GLCCI1: variants seen among roughly 807,000 people sequenced by gnomAD.
The protein encoded by GLCCI1 is glucocorticoid induced 1, also known as glucocorticoid-induced transcript 1 protein.
Under a neutral mutation model 52.2 loss-of-function variants are expected in GLCCI1, and 24 were observed. The observed-to-expected ratio is 0.46, with a 90% CI of 0.33 to 0.65. GLCCI1 has a LOEUF of 0.65. Among genes scored for constraint, GLCCI1 ranks in the 30% least tolerant of loss-of-function variants. The pLI is 0.02. For synonymous variants in GLCCI1, 310 were observed against 276.5 expected, an observed-to-expected ratio of 1.12 and a Z score of -1.20; for missense variants, 704 against 701.5, an observed-to-expected ratio of 1.00 and a Z score of -0.04.
At position 7,969,321 on chromosome 7, in the gene GLCCI1, C is replaced by T. The variant is rs762575226; in HGVS notation, c.-30C>T. On this transcript the variant is annotated 5_prime_UTR_variant, in exon 1 of 8. Coordinates refer to ENST00000223145, the MANE Select transcript of GLCCI1 (RefSeq NM_138426.4). The surrounding 1 kb of genome is among the most constrained non-coding windows in gnomAD (Gnocchi z 4.9). ...CTCCCGCCCCGCGCCTCCGTGTCGG[C>T]CGGCGGCGTCCAGGGCCCGCAGAGC... is the stretch of plus-strand genomic sequence containing the variant. The T allele has an allele frequency of 2.8e-6, 4 of 1,405,748 alleles. No individual in the cohort carries two copies. Among genetic ancestry groups the T allele is most frequent in the Non-Finnish European group, 2.8e-6 (3 of 1,073,972 alleles). 87.1% of individuals were successfully genotyped at this position (1,405,748 alleles called of 1,614,324 possible).
intron 6 of GLCCI1, among the ~76,000 whole-genome samples, chr7:8,073,584 A>G (rs536260252): frequency 8.5e-4 from 129 of 152,306 alleles, no homozygotes; most frequent in African/African-American, 3.0e-3. Flanking sequence ...TAGTTAAAAA[A>G]TATTTCTTAG....
chr7:8,005,008 C>T (rs1191905321), intron 2 of GLCCI1, among the ~76,000 whole-genome samples: 1 of 152,162 alleles, frequency 6.6e-6, no homozygotes, highest in East Asian at 1.9e-4. Context: ...TCATCTGTCT[C>T]ATCAGTTCTG....
chr7:8,041,092 G>C (rs1229217163), intron 3 of GLCCI1, among the ~76,000 whole-genome samples: 1 of 152,146 alleles, frequency 6.6e-6, no homozygotes, highest in Non-Finnish European at 1.5e-5. Context: ...GATGCAAAGG[G>C]AAAGGTCTTG....
At chr7:8,013,547 T>C (rs770238448) in intron 2 of GLCCI1, among the ~76,000 whole-genome samples, 13 of 152,212 alleles carry the variant, frequency 8.5e-5, no homozygotes, top group Non-Finnish European at 1.6e-4. Context: ...AATTTTATAA[T>C]TTGTACAATT....
chr7:8,061,302 A>G (rs1167520363), intron 5 of GLCCI1, among the ~76,000 whole-genome samples: 2 of 152,006 alleles, frequency 1.3e-5, no homozygotes, highest in South Asian at 2.1e-4. Flanking sequence ...GGGTTTTGCC[A>G]TGTTAGCCAG....
rs1217667444 is a variant in GLCCI1, at chr7:8,017,428, TTAGAATCCA to T, written c.610-5053_610-5045del. Among the ~76,000 whole-genome samples the T allele has an allele frequency of 2.6e-5, 4 of 152,332 alleles. No individual in the cohort carries two copies. In the East Asian group the frequency reaches 7.7e-4, roughly 29 times the overall value. ...TTAGTCTAACACTGGTTTTCAAACT[TTAGAATCCA>T]TCAGAATAATCTGAAAAGGTTGCTT... is the stretch of plus-strand genomic sequence containing the variant. On this transcript the variant is annotated intron_variant, in intron 2 of 7. Transcript: ENST00000223145.
chr7:8,076,020 G>A (rs1338738365), intron 6 of GLCCI1, among the ~76,000 whole-genome samples: 2 of 152,184 alleles, frequency 1.3e-5, no homozygotes. Context: ...GTCTAGGGTT[G>A]ACCCTAGGCA....
chr7:8,015,604 A>G (rs1781362058), intron 2 of GLCCI1, among the ~76,000 whole-genome samples: 1 of 152,192 alleles, frequency 6.6e-6, no homozygotes, highest in South Asian at 2.1e-4. Context: ...GTAGAATCCT[A>G]GAGTTGAATA....
At chr7:8,066,021 A>C (rs986486607) in intron 5 of GLCCI1, among the ~76,000 whole-genome samples, 2 of 152,122 alleles carry the variant, frequency 1.3e-5, no homozygotes, top group African/African-American at 4.8e-5. Context: ...CTGTGGATCC[A>C]TGTGGTTCAG....
Position 8,086,195 on chromosome 7 carries a change from C to T in GLCCI1, c.1301C>T (p.Ser434Phe). ...ERVKVFEEMA[S>F]RQPISAPLFS... Reference sequence around the variant, plus strand: ...CTAATTTTGTTTTATGGTTTTAGGTCTCGTCAGCCTATCTCGGCCCCTCTC... The same window carrying T: ...CTAATTTTGTTTTATGGTTTTAGGTTTCGTCAGCCTATCTCGGCCCCTCTC... Residue 434 changes from serine to phenylalanine, a missense_variant and splice_region_variant, in exon 8 of 8, where the codon TCT becomes TTT. Ser to Phe is a radical substitution (Grantham distance 155). Around this residue, in one of 3 missense-constraint regions of GLCCI1, gnomAD observed 149 missense variants for 152.9 expected, o/e 0.97. Transcript: ENST00000223145. This position sits in a 1 kb window ranked among gnomAD's most constrained non-coding sequence, Gnocchi z 4.4. The T allele has an allele frequency of 1.2e-6, 2 of 1,604,844 alleles. No homozygotes were observed. Among genetic ancestry groups the T allele is most frequent in the Non-Finnish European group, 1.7e-6 (2 of 1,176,990 alleles).
chr7:8,013,991 C>CTT lies in GLCCI1; in HGVS notation c.610-8477_610-8476dup, dbSNP rs561039125. On this transcript the variant is annotated intron_variant, in intron 2 of 7. Coordinates refer to ENST00000223145, the MANE Select transcript of GLCCI1 (RefSeq NM_138426.4). Reference sequence around the variant, plus strand: ...ACAGTTATGGTACTGAAGGCCTTGACTTTTTTTTTTTTTTTTGAGACGGAG... The same window carrying CTT: ...ACAGTTATGGTACTGAAGGCCTTGACTTTTTTTTTTTTTTTTTTGAGACGGAG... 2.0e-3 allele frequency among the ~76,000 whole-genome samples: 270 copies of CTT among 133,226 alleles called. 6 individuals are homozygous for CTT. Among genetic ancestry groups the CTT allele is most frequent in the Middle Eastern group, 7.8e-3 (2 of 258 alleles). 87.4% of individuals were successfully genotyped at this position (133,226 alleles called of 152,430 possible). A position where few individuals can be genotyped will look rare whatever the true frequency, so the allele number is the denominator to read the frequency against.
intron 5 of GLCCI1, among the ~76,000 whole-genome samples, chr7:8,061,379 C>A (rs369499270): frequency 1.3e-5 from 2 of 152,096 alleles, no homozygotes; most frequent in South Asian, 2.1e-4. Flanking sequence ...GGATTACAGG[C>A]GTGAGCCACT....
At chr7:8,034,965 C>T (rs1781834011) in intron 3 of GLCCI1, among the ~76,000 whole-genome samples, 1 of 152,150 alleles carries the variant, frequency 6.6e-6, no homozygotes, top group Non-Finnish European at 1.5e-5. Context: ...CCTGTGGACC[C>T]GAGCTGTGAT....
chr7:8,051,667 C>T (rs780289484), intron 3 of GLCCI1, among the ~76,000 whole-genome samples: 5 of 152,290 alleles, frequency 3.3e-5, no homozygotes, highest in South Asian at 4.2e-4. Flanking sequence ...TTGGTTTTGT[C>T]ATCTTTTAAG....
At chr7:8,082,417 C>T (rs369629341) in intron 6 of GLCCI1, among the ~76,000 whole-genome samples, 7 of 152,136 alleles carry the variant, frequency 4.6e-5, no homozygotes, top group East Asian at 3.9e-4. Flanking sequence ...TAGAACTATA[C>T]AACAAGAGCT....
chr7:7,968,853 G>C lies in GLCCI1; in HGVS notation c.-498G>C, dbSNP rs1780270586. 3 of 159,446 alleles carry C rather than the reference G, an allele frequency of 1.9e-5. No individual in the cohort carries two copies. The highest frequency in any genetic ancestry group is 7.3e-5 in the African/African-American group (3 of 41,312). The allele number at this position is 159,446 out of a possible 1,614,324, so 9.9% of individuals were successfully genotyped here. The stretch of plus-strand genomic sequence containing the variant: ...CGGCGGCGGCGGCGGCGGCGTTTGC[G>C]GTGGCGCGGACTCCGAGGAGCGCCA... On this transcript the variant is annotated 5_prime_UTR_variant, in exon 1 of 8. Coordinates refer to ENST00000223145, the MANE Select transcript of GLCCI1 (RefSeq NM_138426.4).
chr7:8,039,893 C>T (rs887401048), intron 3 of GLCCI1, among the ~76,000 whole-genome samples: 3 of 150,616 alleles, frequency 2.0e-5, no homozygotes, highest in African/African-American at 4.9e-5. Flanking sequence ...GTTACTTGGG[C>T]GGTTGAGGCA....
intron 6 of GLCCI1, among the ~76,000 whole-genome samples, chr7:8,073,350 T>G (rs1473761391): frequency 6.6e-6 from 1 of 152,190 alleles, no homozygotes; most frequent in African/African-American, 2.4e-5. Flanking sequence ...GCCTAGTTTG[T>G]GTCAATTATC....
chr7:8,037,639 C>T (rs1404031851), intron 3 of GLCCI1, among the ~76,000 whole-genome samples: 1 of 152,098 alleles, frequency 6.6e-6, no homozygotes, highest in African/African-American at 2.4e-5. Flanking sequence ...TCATATCTTG[C>T]TTACAAGAAA....
Sources: allele counts gnomAD v4.1 joint callset (sites outside exome capture counted in the v4.1 genomes callset), GRCh38; gene constraint gnomAD v4.1.1; regional missense constraint gnomAD v4.1.1; non-coding constraint Gnocchi (gnomAD v3.1); transcripts MANE v1.5; gene names NCBI Gene and HGNC (gene_info 2026-07-23, HGNC 2026-07-21).